GOLGA4: variants seen among roughly 807,000 people sequenced by gnomAD.
GOLGA4 encodes the protein golgin subfamily A member 4.
In GOLGA4, 169 loss-of-function variants were observed where a neutral mutation model predicts 265.9. The observed-to-expected ratio is 0.64, with a 90% CI of 0.56 to 0.72. GOLGA4 has a LOEUF of 0.72. Ranked by LOEUF, GOLGA4 falls within the 30% of genes least tolerant of loss-of-function variation. The pLI, the probability that GOLGA4 is intolerant of heterozygous loss-of-function variation, is 0.00. For missense variants in GOLGA4, 2,482 were observed against 2,483.4 expected (o/e 1.00, Z 0.01); for synonymous variants, 923 against 855.8 (o/e 1.08, Z -1.37).
intron 3 of GOLGA4, among the ~76,000 whole-genome samples, chr3:37,284,366 G>C (rs1461503888): frequency 6.6e-6 from 1 of 151,964 alleles, no homozygotes; most frequent in Non-Finnish European, 1.5e-5. Context: ...CTGGGTCCTG[G>C]GCCAAGCAGT....
Position 37,329,005 on chromosome 3 carries a change from A to C in GOLGA4, c.6104A>C (p.Gln2035Pro), listed in dbSNP as rs1170473397. The change falls in exon 16 of 24, where the codon CAA becomes CCA. Residue 2035 changes from glutamine to proline, a missense_variant. Transcript: ENST00000361924. ...EVEAELLESHQEETNQLLKKI... is the reference protein window; with the variant it reads ...EVEAELLESHPEETNQLLKKI... Reference sequence around the variant, plus strand: ...GAGGCTGAACTTTTAGAAAGCCATCAAGAAGAGACAAATCAGTTACTTAAA... The same window carrying C: ...GAGGCTGAACTTTTAGAAAGCCATCCAGAAGAGACAAATCAGTTACTTAAA... 22 of 1,610,706 alleles carry C rather than the reference A, an allele frequency of 1.4e-5. No individual in the cohort carries two copies. The highest frequency in any genetic ancestry group is 1.9e-5 in the Non-Finnish European group (22 of 1,178,362).
At chr3:37,356,354 C>G (rs1487985451) in intron 22 of GOLGA4, among the ~76,000 whole-genome samples, 1 of 152,104 alleles carries the variant, frequency 6.6e-6, no homozygotes, top group East Asian at 1.9e-4. Context: ...CTAAGCTCAT[C>G]CTAGCATTCC....
At chr3:37,268,010 T>A (rs1333973062) in intron 2 of GOLGA4, among the ~76,000 whole-genome samples, 1 of 152,194 alleles carries the variant, frequency 6.6e-6, no homozygotes, top group African/African-American at 2.4e-5. Flanking sequence ...AAGTAATATC[T>A]CATTGTTTTA....
At chr3:37,357,875 T>C (rs1211305527) in intron 22 of GOLGA4, among the ~76,000 whole-genome samples, 2 of 152,254 alleles carry the variant, frequency 1.3e-5, no homozygotes, top group Non-Finnish European at 2.9e-5. Context: ...TTTAGGAGTT[T>C]ATTAAATAAT....
At chr3:37,315,070 C>G (rs2096933854) in intron 10 of GOLGA4, among the ~76,000 whole-genome samples, 1 of 152,156 alleles carries the variant, frequency 6.6e-6, no homozygotes, top group African/African-American at 2.4e-5. Flanking sequence ...TGAAATTATA[C>G]AGTACAGAAA....
intron 1 of GOLGA4, among the ~76,000 whole-genome samples, chr3:37,244,365 G>GT (rs953896312): frequency 1.3e-5 from 2 of 152,212 alleles, no homozygotes; most frequent in Non-Finnish European, 1.5e-5. Flanking sequence ...GGTTATGCTT[G>GT]TTTTTCAGGA....
chr3:37,325,399 T>G lies in GOLGA4; in HGVS notation c.3513T>G (p.Val1171=), dbSNP rs2096967173. The change falls in exon 14 of 24, where the codon GTT becomes GTG. Residue 1171 remains valine (V), a synonymous_variant. Coordinates refer to ENST00000361924, the MANE Select transcript of GOLGA4 (RefSeq NM_002078.5). The part of the protein sequence containing the change: ...KMLAEEDKRK[V]SELTSKLKTT... ...TGGCAGAAGAAGATAAGCGGAAGGT[T>G]TCTGAGTTGACTAGCAAGTTGAAAA... The G allele has an allele frequency of 6.2e-7, 1 of 1,611,974 alleles. No individual in the cohort carries two copies. Among genetic ancestry groups the G allele is most frequent in the Non-Finnish European group, 8.5e-7 (1 of 1,179,380 alleles).
intron 11 of GOLGA4, 72 bp downstream of exon 11, chr3:37,315,670 T>C: frequency 8.2e-7 from 1 of 1,225,850 alleles, no homozygotes; most frequent in East Asian, 2.4e-5. Flanking sequence ...TTACACTCTT[T>C]GACTGTAAAG....
intron 10 of GOLGA4, among the ~76,000 whole-genome samples, chr3:37,304,402 A>G (rs887654184): frequency 6.6e-6 from 1 of 152,226 alleles, no homozygotes; most frequent in Admixed American, 6.5e-5. Context: ...CATCAAACCT[A>G]AGAAAACTTC....
intron 2 of GOLGA4, among the ~76,000 whole-genome samples, chr3:37,253,891 C>T (rs1190865683): frequency 6.6e-6 from 1 of 152,002 alleles, no homozygotes; most frequent in Non-Finnish European, 1.5e-5. Context: ...TGACACGTCC[C>T]TGTAATCCCA....
chr3:37,280,666 T>C (rs774510150), intron 2 of GOLGA4, among the ~76,000 whole-genome samples: 1 of 152,226 alleles, frequency 6.6e-6, no homozygotes, highest in African/African-American at 2.4e-5. Flanking sequence ...TCTTTCCATA[T>C]GTTATTGTTT....
intron 7 of GOLGA4, among the ~76,000 whole-genome samples, chr3:37,298,185 G>T (rs1437787583): frequency 6.6e-6 from 1 of 152,132 alleles, no homozygotes; most frequent in Non-Finnish European, 1.5e-5. Context: ...AGTAATTCAC[G>T]CAGAGCCGAG....
At position 37,270,673 on chromosome 3, in the gene GOLGA4, C is replaced by T. The variant is rs1211461799; in HGVS notation, c.163-11285C>T. Among the ~76,000 whole-genome samples, 4 of 152,090 alleles carry T rather than the reference C, an allele frequency of 2.6e-5. No homozygotes were observed. The East Asian group carries it at 7.7e-4, about 29-fold the overall frequency. ...TGTTTATTAATTTTCAGTATATTAACTGGCCAAGAGAATTGTTGATCTCTG... is the reference window on the plus strand; with the variant it reads ...TGTTTATTAATTTTCAGTATATTAATTGGCCAAGAGAATTGTTGATCTCTG... On this transcript the variant is annotated intron_variant, in intron 2 of 23. Coordinates refer to ENST00000361924, the MANE Select transcript of GOLGA4 (RefSeq NM_002078.5).
At chr3:37,281,135 TAGAAC>T (rs953716614) in intron 2 of GOLGA4, among the ~76,000 whole-genome samples, 1 of 152,188 alleles carries the variant, frequency 6.6e-6, no homozygotes, top group African/African-American at 2.4e-5. Flanking sequence ...TAATACTGCT[TAGAAC>T]AGTTAGTTGA....
chr3:37,348,948 T>A (rs2097064801), intron 21 of GOLGA4, among the ~76,000 whole-genome samples: 1 of 152,008 alleles, frequency 6.6e-6, no homozygotes, highest in Non-Finnish European at 1.5e-5. Context: ...AATCTTAGAG[T>A]GTGACTTGGG....
rs773767210 is a variant in GOLGA4 at position 37,325,513 on chromosome 3, G to C, written c.3627G>C (p.Leu1209=). 6.2e-7 allele frequency: 1 copy of C among 1,613,830 alleles called. No homozygotes were observed. The highest frequency in any genetic ancestry group is 8.5e-7 in the Non-Finnish European group (1 of 1,179,832). ...ACAAGAGCTTGGAATTTAAAAAACT[G>C]TCTGAGGAACTAGCGATTCAGCTAG... ...LEDKSLEFKK[L]SEELAIQLDI... The change falls in exon 14 of 24, where the codon CTG becomes CTC. Residue 1209 remains leucine (L), a synonymous_variant. Coordinates refer to ENST00000361924, the MANE Select transcript of GOLGA4 (RefSeq NM_002078.5).
At chr3:37,269,885 CTTTTTTTTTTTTTT>C (rs763272448) in intron 2 of GOLGA4, among the ~76,000 whole-genome samples, 1 of 79,028 alleles carries the variant, frequency 1.3e-5, no homozygotes, top group Admixed American at 1.6e-4. Context: ...TGTAGGGTAG[CTTTTTTTTTTTTTT>C]TTTTTTTTTT....
At chr3:37,247,341 G>A (rs2096722326) in intron 1 of GOLGA4, among the ~76,000 whole-genome samples, 1 of 152,122 alleles carries the variant, frequency 6.6e-6, no homozygotes, top group Non-Finnish European at 1.5e-5. Flanking sequence ...GTCCTCTGCT[G>A]GATGTTGCAT....
chr3:37,297,917 T>A (rs1337026909), intron 7 of GOLGA4, among the ~76,000 whole-genome samples: 1 of 151,988 alleles, frequency 6.6e-6, no homozygotes, highest in Non-Finnish European at 1.5e-5. Flanking sequence ...TAATCCCAGC[T>A]ACTTGGGAGG....
Sources: gnomAD v4.1 joint callset for allele counts (sites outside exome capture counted in the v4.1 genomes callset) on GRCh38, gnomAD v4.1.1 for gene constraint, MANE v1.5 for transcripts, NCBI Gene and HGNC (gene_info 2026-07-23, HGNC 2026-07-21) for gene names.